The following DNASE2B variants were observed in gnomAD, a reference collection of about 807,000 sequenced individuals.
DNASE2B encodes deoxyribonuclease-2-beta.
In DNASE2B, 43 loss-of-function variants were observed where a neutral mutation model predicts 46.0. That is an observed-to-expected ratio of 0.94 (90% CI 0.73 to 1.21). The LOEUF is 1.21. Among genes scored for constraint, DNASE2B ranks in the 50% most tolerant of loss-of-function variants. The probability of loss-of-function intolerance (pLI) is 0.00; values close to 1 mark genes in which losing one functional copy is unlikely to be tolerated. For missense variants in DNASE2B, 395 were observed against 414.4 expected, an observed-to-expected ratio of 0.95 and a Z score of 0.41; for synonymous variants, 156 against 152.5, an observed-to-expected ratio of 1.02 and a Z score of -0.17.
At position 84,408,434 on chromosome 1, in the gene DNASE2B, C is replaced by A; in HGVS notation, c.304-3C>A. 1 of 1,604,492 alleles carries A rather than the reference C, an allele frequency of 6.2e-7. No homozygotes were observed. Among genetic ancestry groups the A allele is most frequent in the East Asian group, 2.2e-5 (1 of 44,504 alleles). On this transcript the variant is annotated splice_polypyrimidine_tract_variant and splice_region_variant and intron_variant, in intron 2 of 5. Coordinates refer to ENST00000370665, the MANE Select transcript of DNASE2B (RefSeq NM_021233.3). Reference sequence around the variant, plus strand: ...CCATTATAACCCTAATATATTCCTGCAGAGTAACAACACAGCCTATCTAAT... The same window carrying A: ...CCATTATAACCCTAATATATTCCTGAAGAGTAACAACACAGCCTATCTAAT...
At chr1:84,403,452 A>C (rs1680453495) in intron 2 of DNASE2B, among the ~76,000 whole-genome samples, 1 of 152,016 alleles carries the variant, frequency 6.6e-6, no homozygotes, top group Admixed American at 6.6e-5. Context: ...GAATATATTC[A>C]CTCTTCATTA....
intron 3 of DNASE2B, among the ~76,000 whole-genome samples, chr1:84,410,369 G>GT (rs1248138671): frequency 1.1e-4 from 16 of 152,246 alleles, no homozygotes; most frequent in Middle Eastern, 3.4e-3. Context: ...ATGGGCAGCA[G>GT]TTTTTTATAA....
intron 1 of DNASE2B, among the ~76,000 whole-genome samples, chr1:84,399,610 T>C (rs1449633180): frequency 6.6e-6 from 1 of 152,044 alleles, no homozygotes; most frequent in African/African-American, 2.4e-5. Context: ...AGAAGGGATG[T>C]GCAAGAGCAT....
At chr1:84,413,308 C>T (rs1036218107) in intron 5 of DNASE2B, among the ~76,000 whole-genome samples, 1 of 152,160 alleles carries the variant, frequency 6.6e-6, no homozygotes, top group African/African-American at 2.4e-5. Flanking sequence ...GAATCTCTCC[C>T]CAGTCACCAA....
rs543050104 is a variant in DNASE2B at position 84,409,244 on chromosome 1, A to G, written c.385+726A>G. 4.1e-4 allele frequency among the ~76,000 whole-genome samples: 62 copies of G among 152,274 alleles called. No homozygotes were observed. In the South Asian group the frequency reaches 6.8e-3, roughly 17 times the overall value. ...AAACTACTGTAATGACTATTTTTCA[A>G]CCTTTTTTCAATTTCATATATCATA... On this transcript the variant is annotated intron_variant, in intron 3 of 5. Transcript: ENST00000370665.
At chr1:84,414,017 G>A (rs1484979727) in intron 5 of DNASE2B, among the ~76,000 whole-genome samples, 1 of 152,158 alleles carries the variant, frequency 6.6e-6, no homozygotes, top group African/African-American at 2.4e-5. Context: ...TATTATGACA[G>A]CCTTATGTTT....
intron 2 of DNASE2B, among the ~76,000 whole-genome samples, chr1:84,407,802 A>G (rs1163985992): frequency 2.0e-5 from 3 of 152,188 alleles, no homozygotes; most frequent in Non-Finnish European, 4.4e-5. Flanking sequence ...AGGAAATCCA[A>G]TATCACACAG....
At chr1:84,406,915 T>G (rs1406834640) in intron 2 of DNASE2B, among the ~76,000 whole-genome samples, 1 of 152,212 alleles carries the variant, frequency 6.6e-6, no homozygotes, top group African/African-American at 2.4e-5. Context: ...CAAATAAGAA[T>G]CTTCCGTGTA....
rs774110690 is a variant in DNASE2B at position 84,414,409 on chromosome 1, T to C, written c.746-119T>C. The C allele has an allele frequency of 8.6e-6, 7 of 813,106 alleles. No individual in the cohort carries two copies. In the Admixed American group the frequency reaches 1.2e-4, roughly 14 times the overall value. 50.4% of individuals were successfully genotyped at this position (813,106 alleles called of 1,614,324 possible). A position where few individuals can be genotyped will look rare whatever the true frequency, so the allele number is the denominator to read the frequency against. On this transcript the variant is annotated intron_variant, in intron 5 of 5. Coordinates refer to ENST00000370665, the MANE Select transcript of DNASE2B (RefSeq NM_021233.3). The stretch of plus-strand genomic sequence containing the variant: ...CACTATCTCAATTATGTTGTTATTA[T>C]TGTGCTCGTGACATCCACATATCAG...
chr1:84,404,721 T>C (rs472601), intron 2 of DNASE2B, among the ~76,000 whole-genome samples: 80,676 of 151,990 alleles, frequency 0.53, 21,440 homozygotes, highest in East Asian at 0.61. Context: ...ACCTTCTAAC[T>C]TTAGAGACAA....
intron 2 of DNASE2B, among the ~76,000 whole-genome samples, chr1:84,403,953 ATTTTT>A (rs562382212): frequency 9.2e-6 from 1 of 108,132 alleles, no homozygotes; most frequent in East Asian, 2.7e-4. Flanking sequence ...TGCCTGGCTA[ATTTTT>A]TTTTTTTTTT....
chr1:84,408,916 G>A (rs1001001786), intron 3 of DNASE2B, among the ~76,000 whole-genome samples: 1 of 151,680 alleles, frequency 6.6e-6, no homozygotes, highest in Non-Finnish European at 1.5e-5. Flanking sequence ...ATTGAAGTAT[G>A]ATTTATAGAG....
Position 84,401,910 on chromosome 1 carries a change from T to G in DNASE2B, c.135T>G (p.Phe45Leu), listed in dbSNP as rs1680427081. The change falls in exon 2 of 6, where the codon TTT (phenylalanine) becomes TTG (leucine). Residue 45 changes from phenylalanine (F) to leucine (L), a missense_variant. Coordinates refer to ENST00000370665, the MANE Select transcript of DNASE2B (RefSeq NM_021233.3). ...EEGKAVDWFT[F>L]YKLPKRQNKE... ...TCATTTTGTCTGTTAGGTTTACTTT[T>G]TATAAGTTACCTAAAAGACAAAACA... 6.6e-7 allele frequency: 1 copy of G among 1,510,948 alleles called. No homozygotes were observed. Among genetic ancestry groups the G allele is most frequent in the African/African-American group, 1.4e-5 (1 of 70,262 alleles). 93.6% of individuals were successfully genotyped at this position (1,510,948 alleles called of 1,614,324 possible). A position where few individuals can be genotyped will look rare whatever the true frequency, so the allele number is the denominator to read the frequency against.
intron 2 of DNASE2B, among the ~76,000 whole-genome samples, chr1:84,406,425 C>T (rs1236601144): frequency 6.6e-6 from 1 of 152,072 alleles, no homozygotes; most frequent in Non-Finnish European, 1.5e-5. Context: ...TAGCCCCACA[C>T]CCTAGCAGGG....
chr1:84,415,018 A>G lies in DNASE2B; in HGVS notation c.*150A>G. 3.3e-6 allele frequency: 2 copies of G among 605,666 alleles called. No homozygotes were observed. The highest frequency in any genetic ancestry group is 5.6e-6 in the Non-Finnish European group (2 of 356,054). 37.5% of individuals were successfully genotyped at this position (605,666 alleles called of 1,614,324 possible). On this transcript the variant is annotated 3_prime_UTR_variant, in exon 6 of 6. Coordinates refer to ENST00000370665, the MANE Select transcript of DNASE2B (RefSeq NM_021233.3). ...ATTTTTCTCTCATGTTTACCATTTA[A>G]TCTTCTATTTAATGGTAATTTATTT...
chr1:84,400,033 G>A (rs1039163445), intron 1 of DNASE2B, among the ~76,000 whole-genome samples: 1 of 152,172 alleles, frequency 6.6e-6, no homozygotes, highest in African/African-American at 2.4e-5. Flanking sequence ...ACTTGGTGAT[G>A]GATGGGCTGC....
intron 2 of DNASE2B, among the ~76,000 whole-genome samples, chr1:84,405,295 T>A (rs1680477575): frequency 6.6e-6 from 1 of 152,210 alleles, no homozygotes; most frequent in Non-Finnish European, 1.5e-5. Flanking sequence ...TGCACCCATA[T>A]AAAAGCTGCA....
chr1:84,399,470 C>T (rs1051815853), intron 1 of DNASE2B, among the ~76,000 whole-genome samples: 1 of 152,114 alleles, frequency 6.6e-6, no homozygotes, highest in South Asian at 2.1e-4. Flanking sequence ...ATGGTTCCTA[C>T]CCTCAAGGAC....
intron 4 of DNASE2B, among the ~76,000 whole-genome samples, chr1:84,411,381 T>A (rs1426147183): frequency 6.6e-6 from 1 of 151,008 alleles, no homozygotes; most frequent in Non-Finnish European, 1.5e-5. Context: ...ACAAGCCTAA[T>A]GATTACAGAT....
Sources: allele counts gnomAD v4.1 joint callset (sites outside exome capture counted in the v4.1 genomes callset), GRCh38; gene constraint gnomAD v4.1.1; transcripts MANE v1.5; gene names NCBI Gene and HGNC (gene_info 2026-07-23, HGNC 2026-07-21).